RARG: variants seen among roughly 807,000 people sequenced by gnomAD.
The protein encoded by RARG is retinoic acid receptor gamma, also known as RAR-gamma.
RARG carries 17 observed loss-of-function variants against 43.7 expected under a neutral mutation model. That is an observed-to-expected ratio of 0.39 (90% CI 0.27 to 0.58). The LOEUF is 0.58. Ranked by LOEUF, RARG falls within the 20% of genes least tolerant of loss-of-function variation. The probability of loss-of-function intolerance (pLI) is 0.57; values close to 1 mark genes in which losing one functional copy is unlikely to be tolerated. For missense variants in RARG, 346 were observed against 598.7 expected, an observed-to-expected ratio of 0.58 and a Z score of 4.40; for synonymous variants, 238 against 236.4, an observed-to-expected ratio of 1.01 and a Z score of -0.06.
Position 53,213,961 on chromosome 12 carries a change from G to A in RARG, c.813+98C>T. The A allele has an allele frequency of 7.3e-7, 1 of 1,370,516 alleles. No individual in the cohort carries two copies. The highest frequency in any genetic ancestry group is 1.3e-5 in the South Asian group (1 of 76,220). The allele number at this position is 1,370,516 out of a possible 1,614,324, so 84.9% of individuals were successfully genotyped here. On this transcript the variant is annotated intron_variant, in intron 7 of 9. Coordinates refer to ENST00000425354, the MANE Select transcript of RARG (RefSeq NM_000966.6). This position sits in a 1 kb window ranked among gnomAD's most constrained non-coding sequence, Gnocchi z 4.7. ...GCTGAGGAGTCCCACATGTGTGGCA[G>A]GGGGTGCAGGGTAAGGAAATCTTTG...
chr12:53,220,215 A>T, intron 3 of RARG: 1 of 1,214,716 alleles, frequency 8.2e-7, no homozygotes, highest in Non-Finnish European at 1.1e-6. Context: ...GAGGGCTAGC[A>T]TAGGGCGCTG....
At position 53,232,121 on chromosome 12, in the gene RARG, T is replaced by C. The variant is rs1194630576; in HGVS notation, c.-357A>G. On this transcript the variant is annotated 5_prime_UTR_variant, in exon 1 of 10. Transcript: ENST00000425354. ...TCTAGGCTGGGACTGTCCCGGGGCC[T>C]CTCGGAGCCCGCCCGCCCACGTGAC... 1 of 398,400 alleles carries C rather than the reference T, an allele frequency of 2.5e-6. No homozygotes were observed. Among genetic ancestry groups the C allele is most frequent in the Admixed American group, 4.4e-5 (1 of 22,716 alleles). The allele number at this position is 398,400 out of a possible 1,614,324, so 24.7% of individuals were successfully genotyped here.
At chr12:53,220,233 T>A (rs908116636) in intron 3 of RARG, 3 of 671,250 alleles carry the variant, frequency 4.5e-6, no homozygotes, top group Non-Finnish European at 4.6e-6. Context: ...CTGGGCTGCA[T>A]GCGGGTAAGG....
In RARG at chr12:53,232,139, C is replaced by T; in HGVS notation, c.-375G>A. ...CGGGGCCTCTCGGAGCCCGCCCGCC[C>T]ACGTGACCGCCCCAAAATATCCGAC... On this transcript the variant is annotated 5_prime_UTR_variant, in exon 1 of 10. Transcript: ENST00000425354. The T allele has an allele frequency of 5.0e-6, 2 of 398,598 alleles. No homozygotes were observed. The highest frequency in any genetic ancestry group is 4.1e-5 in the African/African-American group (2 of 48,770). 24.7% of individuals were successfully genotyped at this position (398,598 alleles called of 1,614,324 possible). A position where few individuals can be genotyped will look rare whatever the true frequency, so the allele number is the denominator to read the frequency against.
rs1942688670 is a variant in RARG, at chr12:53,214,095, C to G, written c.777G>C (p.Gln259His). 6.2e-7 allele frequency: 1 copy of G among 1,613,936 alleles called. No individual in the cohort carries two copies. Among genetic ancestry groups the G allele is most frequent in the African/African-American group, 1.3e-5 (1 of 74,920 alleles). Residue 259 changes from glutamine (Q) to histidine (H), a missense_variant, in exon 7 of 10, where the codon CAG becomes CAC. This residue lies in a region of RARG where 37 missense variants were observed against 146.3 expected (regional missense o/e 0.25). Transcript: ENST00000425354. The part of the protein sequence containing the change: ...PGFTGLSIAD[Q>H]ITLLKAACLD... Reference sequence around the variant, plus strand: ...GGCAGGCAGCTTTGAGCAGAGTGATCTGGTCAGCAATGCTGAGCCCTGTAA... The same window carrying G: ...GGCAGGCAGCTTTGAGCAGAGTGATGTGGTCAGCAATGCTGAGCCCTGTAA...
Position 53,214,591 on chromosome 12 carries a change from C to A in RARG, c.491G>T (p.Arg164Leu), listed in dbSNP as rs199861731. Reference protein sequence around the residue: ...GMSKEAVRNDRNKKKKEVKEE... With the variant: ...GMSKEAVRNDLNKKKKEVKEE... The stretch of plus-strand genomic sequence containing the variant: ...CTTCACCTCTTTCTTCTTCTTGTTC[C>A]GGTCATTTCGCACAGCTTGTGGGTG... The change falls in exon 6 of 10, where the codon CGG (arginine) becomes CTG (leucine). Residue 164 changes from arginine (R) to leucine (L), a missense_variant. Arg to Leu is a moderately radical substitution (Grantham distance 102). Around this residue, in one of 8 missense-constraint regions of RARG, gnomAD observed 67 missense variants for 79.6 expected, o/e 0.84. Transcript: ENST00000425354. 1 of 1,604,704 alleles carries A rather than the reference C, an allele frequency of 6.2e-7. No homozygotes were observed. The highest frequency in any genetic ancestry group is 1.1e-5 in the South Asian group (1 of 90,862).
chr12:53,227,468 G>A lies in RARG; in HGVS notation c.78C>T (p.Pro26=), dbSNP rs771541377. Residue 26 remains proline (P), a synonymous_variant, in exon 3 of 10, where the codon CCC becomes CCT. Transcript: ENST00000425354. This position sits in a 1 kb window ranked among gnomAD's most constrained non-coding sequence, Gnocchi z 4.3. ...PGSGYPGAGF[P]FAFPGALRGS... ...CCCTGAGTGCCCCTGGGAAGGCGAA[G>A]GGGAAACCTGCCCCTGGGTAGCCAG... 1.2e-6 allele frequency: 2 copies of A among 1,610,340 alleles called. No individual in the cohort carries two copies. Among genetic ancestry groups the A allele is most frequent in the East Asian group, 2.2e-5 (1 of 44,536 alleles).
chr12:53,215,595 C>T lies in RARG; in HGVS notation c.333+51G>A. 1 of 1,592,138 alleles carries T rather than the reference C, an allele frequency of 6.3e-7. No homozygotes were observed. Among genetic ancestry groups the T allele is most frequent in the Non-Finnish European group, 8.6e-7 (1 of 1,166,738 alleles). On this transcript the variant is annotated intron_variant, in intron 4 of 9. Coordinates refer to ENST00000425354, the MANE Select transcript of RARG (RefSeq NM_000966.6). The surrounding 1 kb of genome is among the most constrained non-coding windows in gnomAD (Gnocchi z 6.4). ...AGCATCTGTGTGCCTGGTCTCTCAT[C>T]TTACTAGGGTAACTGGATCCCCCGT...
In RARG at chr12:53,227,205, A is replaced by G. The variant is rs1943129287; in HGVS notation, c.184+157T>C. Among the ~76,000 whole-genome samples, 1 of 152,030 alleles carries G rather than the reference A, an allele frequency of 6.6e-6. No homozygotes were observed. Among genetic ancestry groups the G allele is most frequent in the Non-Finnish European group, 1.5e-5 (1 of 67,986 alleles). On this transcript the variant is annotated intron_variant, in intron 3 of 9. Transcript: ENST00000425354. The surrounding 1 kb of genome is among the most constrained non-coding windows in gnomAD (Gnocchi z 4.3). Reference sequence around the variant, plus strand: ...TCCACATCCAAACTCCTTCCTCACCACCACTACCACCCTCCATTATTCACT... The same window carrying G: ...TCCACATCCAAACTCCTTCCTCACCGCCACTACCACCCTCCATTATTCACT...
chr12:53,220,919 C>T (rs1487090918), intron 3 of RARG, among the ~76,000 whole-genome samples: 7 of 152,108 alleles, frequency 4.6e-5, no homozygotes, highest in African/African-American at 7.2e-5. Context: ...ATTCCCAGGC[C>T]TGGCTCCGCC....
Position 53,226,489 on chromosome 12 carries a change from G to A in RARG, c.184+873C>T, listed in dbSNP as rs573702457. Reference sequence around the variant, plus strand: ...ATTACAGGCACACGCCACCATACCCGGCTAATTTTTGTAATTTTAAAGACG... The same window carrying A: ...ATTACAGGCACACGCCACCATACCCAGCTAATTTTTGTAATTTTAAAGACG... On this transcript the variant is annotated intron_variant, in intron 3 of 9. Coordinates refer to ENST00000425354, the MANE Select transcript of RARG (RefSeq NM_000966.6). 1.0e-3 allele frequency among the ~76,000 whole-genome samples: 157 copies of A among 151,692 alleles called. 1 individual carries two copies. The highest frequency in any genetic ancestry group is 6.8e-3 in the Middle Eastern group (2 of 292).
Position 53,213,542 on chromosome 12 carries a change from A to G in RARG, c.972T>C (p.Asp324=), listed in dbSNP as rs1302497704. 5 of 1,613,944 alleles carry G rather than the reference A, an allele frequency of 3.1e-6. No individual in the cohort carries two copies. Among genetic ancestry groups the G allele is most frequent in the Admixed American group, 1.7e-5 (1 of 59,996 alleles). The change falls in exon 8 of 10, where the codon GAT becomes GAC. Residue 324 remains aspartate, a synonymous_variant. Transcript: ENST00000425354. This position sits in a 1 kb window ranked among gnomAD's most constrained non-coding sequence, Gnocchi z 4.7. ...CGCTGAGCAGCCCTGTCTCGGTGTC[A>G]TCCATCTCCAGGGGCAGGAGCTGCC... ...FAGQLLPLEM[D]DTETGLLSAI...
intron 3 of RARG, among the ~76,000 whole-genome samples, chr12:53,217,887 G>A (rs1241803121): frequency 1.3e-5 from 2 of 152,198 alleles, no homozygotes; most frequent in Non-Finnish European, 2.9e-5. Context: ...GAGGCTCAGA[G>A]CTGAGCAGCC....
In RARG at chr12:53,213,706, G is replaced by A; in HGVS notation, c.814-6C>T. On this transcript the variant is annotated splice_region_variant and splice_polypyrimidine_tract_variant and intron_variant, in intron 7 of 9. Coordinates refer to ENST00000425354, the MANE Select transcript of RARG (RefSeq NM_000966.6). The surrounding 1 kb of genome is among the most constrained non-coding windows in gnomAD (Gnocchi z 4.7). ...CTTGTGCAGATACGCAGCATCTGGA[G>A]GTGGGGGGTGGAGGAGGGTTAGTGC... 6.2e-7 allele frequency: 1 copy of A among 1,607,314 alleles called. No individual in the cohort carries two copies. The highest frequency in any genetic ancestry group is 8.5e-7 in the Non-Finnish European group (1 of 1,174,232).
intron 3 of RARG, chr12:53,220,233 T>C (rs908116636): frequency 1.9e-5 from 13 of 671,168 alleles, no homozygotes; most frequent in East Asian, 1.9e-4. Flanking sequence ...CTGGGCTGCA[T>C]GCGGGTAAGG....
intron 3 of RARG, among the ~76,000 whole-genome samples, chr12:53,220,859 G>T (rs1027871520): frequency 2.6e-5 from 4 of 152,220 alleles, no homozygotes. Flanking sequence ...AGGTCCCCGC[G>T]CGCAGCTGCT....
rs187858952 is a variant in RARG, at chr12:53,211,284, C to T, written c.*392G>A. Reference sequence around the variant, plus strand: ...GGGCTCAGCCCTTCTCCTTTGTCCCCTTTTTGGTCTCTAGTGTTCCTGTTT... The same window carrying T: ...GGGCTCAGCCCTTCTCCTTTGTCCCTTTTTTGGTCTCTAGTGTTCCTGTTT... On this transcript the variant is annotated 3_prime_UTR_variant, in exon 10 of 10. Transcript: ENST00000425354. This position sits in a 1 kb window ranked among gnomAD's most constrained non-coding sequence, Gnocchi z 4.6. The T allele has an allele frequency of 2.8e-4, 47 of 166,764 alleles. No homozygotes were observed. Among genetic ancestry groups the T allele is most frequent in the Non-Finnish European group, 4.6e-4 (36 of 77,606 alleles). The allele number at this position is 166,764 out of a possible 1,614,324, so 10.3% of individuals were successfully genotyped here.
rs377732702 is a variant in RARG, at chr12:53,215,451, G to A, written c.334-17C>T. 1.4e-5 allele frequency: 23 copies of A among 1,613,816 alleles called. No homozygotes were observed. The highest frequency in any genetic ancestry group is 1.9e-5 in the Non-Finnish European group (23 of 1,179,912). On this transcript the variant is annotated splice_polypyrimidine_tract_variant and intron_variant, in intron 4 of 9. Coordinates refer to ENST00000425354, the MANE Select transcript of RARG (RefSeq NM_000966.6). This position sits in a 1 kb window ranked among gnomAD's most constrained non-coding sequence, Gnocchi z 6.4. Reference sequence around the variant, plus strand: ...AAAGAAGCCCTGGAGTTGAGGGAAAGAGAGAGGGCCTCTGAAGCACAATGC... The same window carrying A: ...AAAGAAGCCCTGGAGTTGAGGGAAAAAGAGAGGGCCTCTGAAGCACAATGC...
chr12:53,212,950 G>C (rs1187557715), intron 9 of RARG, 135 bp downstream of exon 9: 1 of 1,121,648 alleles, frequency 8.9e-7, no homozygotes, highest in African/African-American at 1.6e-5. Context: ...CCACTACTAT[G>C]TGGCAGAGCT....
Sources: allele counts gnomAD v4.1 joint callset (sites outside exome capture counted in the v4.1 genomes callset), GRCh38; gene constraint gnomAD v4.1.1; regional missense constraint gnomAD v4.1.1; non-coding constraint Gnocchi (gnomAD v3.1); transcripts MANE v1.5; gene names NCBI Gene and HGNC (gene_info 2026-07-23, HGNC 2026-07-21).